MTUS1: variants seen among roughly 807,000 people sequenced by gnomAD.
MTUS1 encodes microtubule-associated tumor suppressor 1.
In MTUS1, 109 loss-of-function variants were observed where a neutral mutation model predicts 120.8. That is an observed-to-expected ratio of 0.90 (90% CI 0.77 to 1.06). MTUS1 has a LOEUF of 1.06. Among genes scored for constraint, MTUS1 ranks in the 50% least tolerant of loss-of-function variants. The pLI, the probability that MTUS1 is intolerant of heterozygous loss-of-function variation, is 0.00. For synonymous variants in MTUS1, 737 were observed against 550.5 expected (o/e 1.34, Z -4.74); for missense variants, 2,210 against 1,486.3 (o/e 1.49, Z -8.01).
In MTUS1 at chr8:17,688,346, C is replaced by G. The variant is rs539721682; in HGVS notation, c.2624-3804G>C. 2.6e-5 allele frequency among the ~76,000 whole-genome samples: 4 copies of G among 152,254 alleles called. No individual in the cohort carries two copies. In the East Asian group the frequency reaches 7.7e-4, roughly 29 times the overall value. On this transcript the variant is annotated intron_variant, in intron 6 of 14. Coordinates refer to ENST00000693296, the MANE Select transcript of MTUS1 (RefSeq NM_001363059.2). The stretch of plus-strand genomic sequence containing the variant: ...ATTGCTCAGAGAGGCACAAAGACAC[C>G]AAAGATCTCTGCTGACTCATGTTTC...
intron 6 of MTUS1, among the ~76,000 whole-genome samples, 188 bp from the exon 7 acceptor site, chr8:17,684,730 C>G (rs138269717): frequency 6.6e-6 from 1 of 152,122 alleles, no homozygotes; most frequent in Non-Finnish European, 1.5e-5. Flanking sequence ...GAACAGGGAC[C>G]GTGGCTTCAT....
intron 7 of MTUS1, among the ~76,000 whole-genome samples, chr8:17,681,289 G>C (rs968914360): frequency 6.6e-6 from 1 of 152,174 alleles, no homozygotes; most frequent in Non-Finnish European, 1.5e-5. Context: ...TTAAATGCAA[G>C]TGGTGATGTG....
At chr8:17,707,406 T>G (rs1820386804) in intron 6 of MTUS1, among the ~76,000 whole-genome samples, 1 of 152,112 alleles carries the variant, frequency 6.6e-6, no homozygotes, top group Admixed American at 6.5e-5. Context: ...AGGTTAGTCT[T>G]AAGTCATGAT....
chr8:17,788,471 G>A (rs893582553), intron 1 of MTUS1, among the ~76,000 whole-genome samples: 5 of 152,104 alleles, frequency 3.3e-5, no homozygotes, highest in African/African-American at 7.2e-5. Context: ...AGAATTTCAT[G>A]TTTTACTGTT....
chr8:17,711,374 C>G (rs1364168418), intron 6 of MTUS1, among the ~76,000 whole-genome samples: 1 of 152,228 alleles, frequency 6.6e-6, no homozygotes, highest in Non-Finnish European at 1.5e-5. Flanking sequence ...TCTACATCAG[C>G]ACTTGCTGCT....
rs35708394 is a variant in MTUS1 at position 17,749,805 on chromosome 8, C to T, written c.2091+3912G>A. On this transcript the variant is annotated intron_variant, in intron 2 of 14. Transcript: ENST00000693296. ...ATGTACTGATTGACGTCTTATGTCT[C>T]CCTAAAATGTGTAAAAGCAAGCTGT... Among the ~76,000 whole-genome samples, 881 of 152,248 alleles carry T rather than the reference C, an allele frequency of 5.8e-3. 4 individuals carry two copies. The highest frequency in any genetic ancestry group is 0.014 in the Middle Eastern group (4 of 294).
chr8:17,735,709 G>A (rs1403930704), intron 3 of MTUS1, among the ~76,000 whole-genome samples: 1 of 152,228 alleles, frequency 6.6e-6, no homozygotes, highest in Non-Finnish European at 1.5e-5. Flanking sequence ...CTCCTTTACT[G>A]TGGATACACA....
In MTUS1 at chr8:17,645,734, G is replaced by T; in HGVS notation, c.*192C>A. 1 of 622,816 alleles carries T rather than the reference G, an allele frequency of 1.6e-6. No individual in the cohort carries two copies. Among genetic ancestry groups the T allele is most frequent in the Non-Finnish European group, 2.5e-6 (1 of 399,674 alleles). 38.6% of individuals were successfully genotyped at this position (622,816 alleles called of 1,614,324 possible). On this transcript the variant is annotated 3_prime_UTR_variant, in exon 15 of 15. Transcript: ENST00000693296. The stretch of plus-strand genomic sequence containing the variant: ...AAATCTTTTTTTGGAGGAATCTTTT[G>T]GACGGAGGCAAAAGTCTTCCTCCAG...
intron 3 of MTUS1, among the ~76,000 whole-genome samples, chr8:17,727,904 T>C (rs373236590): frequency 1.8e-4 from 27 of 152,304 alleles, no homozygotes; most frequent in African/African-American, 6.3e-4. Flanking sequence ...TTGCCTTAGA[T>C]AGTAACACAG....
intron 3 of MTUS1, among the ~76,000 whole-genome samples, chr8:17,738,776 G>A (rs1334139901): frequency 3.9e-5 from 6 of 152,042 alleles, no homozygotes; most frequent in Non-Finnish European, 8.8e-5. Context: ...TTTAAACCAA[G>A]GCCTGAAAAG....
intron 8 of MTUS1, among the ~76,000 whole-genome samples, chr8:17,658,760 G>A (rs1170208518): frequency 2.6e-5 from 4 of 152,166 alleles, no homozygotes; most frequent in Non-Finnish European, 5.9e-5. Context: ...CAGGTTCTTA[G>A]GAAGATTTCC....
chr8:17,755,419 T>G lies in MTUS1; in HGVS notation c.389A>C (p.Gln130Pro), dbSNP rs775534212. The change falls in exon 2 of 15, where the codon CAG becomes CCG. Residue 130 changes from glutamine (Q) to proline (P), a missense_variant. Coordinates refer to ENST00000693296, the MANE Select transcript of MTUS1 (RefSeq NM_001363059.2). Reference protein sequence around the residue: ...SCHSLEAVEGQSVEPSLPFVW... With the variant: ...SCHSLEAVEGPSVEPSLPFVW... Reference sequence around the variant, plus strand: ...AAAAGGCAAAGATGGCTCAACACTCTGGCCCTCAACTGCTTCTAGGGAATG... The same window carrying G: ...AAAAGGCAAAGATGGCTCAACACTCGGGCCCTCAACTGCTTCTAGGGAATG... 1 of 1,614,256 alleles carries G rather than the reference T, an allele frequency of 6.2e-7. No homozygotes were observed. Among genetic ancestry groups the G allele is most frequent in the Admixed American group, 1.7e-5 (1 of 60,034 alleles).
chr8:17,782,848 T>C (rs144783013), intron 1 of MTUS1, among the ~76,000 whole-genome samples: 2 of 152,102 alleles, frequency 1.3e-5, no homozygotes, highest in East Asian at 3.9e-4. Context: ...GAGACAGAGG[T>C]GGGTGGATCA....
chr8:17,715,669 G>T (rs1822175670), intron 5 of MTUS1, 98 bp downstream of exon 5: 19 of 1,205,832 alleles, frequency 1.6e-5, no homozygotes, highest in Non-Finnish European at 2.2e-5. Context: ...AATCATTGTT[G>T]ACTATACCAT....
intron 3 of MTUS1, among the ~76,000 whole-genome samples, chr8:17,731,153 C>T (rs979847534): frequency 3.3e-5 from 5 of 152,116 alleles, no homozygotes; most frequent in Admixed American, 3.3e-4. Context: ...AGGGAGGTAT[C>T]TTAAATCAGC....
At chr8:17,793,381 G>A (rs1022135976) in intron 1 of MTUS1, among the ~76,000 whole-genome samples, 1 of 152,134 alleles carries the variant, frequency 6.6e-6, no homozygotes, top group Non-Finnish European at 1.5e-5. Flanking sequence ...CAATGGATGA[G>A]GGGGTGAGGG....
intron 8 of MTUS1, chr8:17,674,369 G>A (rs756334318): frequency 2.3e-5 from 16 of 692,472 alleles, no homozygotes; most frequent in African/African-American, 1.2e-4. Context: ...GCAGTGAGTC[G>A]AGATCGCACC....
At chr8:17,688,118 G>T (rs1431654480) in intron 6 of MTUS1, among the ~76,000 whole-genome samples, 2 of 152,160 alleles carry the variant, frequency 1.3e-5, no homozygotes, top group East Asian at 1.9e-4. Context: ...CCTACTGAGG[G>T]AGTTTGCCTT....
upstream of MTUS1, chr8:17,801,314 G>A (rs1430343788): frequency 6.6e-6 from 1 of 151,862 alleles, no homozygotes; most frequent in Non-Finnish European, 1.5e-5. Flanking sequence ...CGGGAAACTT[G>A]TAAATAGCCG....
Sources: gnomAD v4.1 joint callset for allele counts (sites outside exome capture counted in the v4.1 genomes callset) on GRCh38, gnomAD v4.1.1 for gene constraint, MANE v1.5 for transcripts, NCBI Gene and HGNC (gene_info 2026-07-23, HGNC 2026-07-21) for gene names.